Variants in AVEN observed in about 807,000 individuals in gnomAD.
The protein encoded by AVEN is apoptosis and caspase activation inhibitor.
Under a neutral mutation model 38.1 loss-of-function variants are expected in AVEN, and 41 were observed. That is an observed-to-expected ratio of 1.08 (90% CI 0.84 to 1.40). The LOEUF (loss-of-function observed/expected upper bound fraction) is 1.40. AVEN is among the 40% of genes most tolerant of loss of function. The probability of loss-of-function intolerance (pLI) is 0.00; values close to 1 mark genes in which losing one functional copy is unlikely to be tolerated. For missense variants in AVEN, 605 were observed against 438.8 expected, an observed-to-expected ratio of 1.38 and a Z score of -3.38; for synonymous variants, 206 against 171.8, an observed-to-expected ratio of 1.20 and a Z score of -1.56.
At chr15:34,053,131 C>A (rs1272452986) in intron 5 of AVEN, among the ~76,000 whole-genome samples, 2 of 151,268 alleles carry the variant, frequency 1.3e-5, no homozygotes. Context: ...GAAACCCCAT[C>A]TCTACTAAAA....
intron 2 of AVEN, among the ~76,000 whole-genome samples, chr15:33,908,263 C>T (rs1168334532): frequency 1.9e-5 from 2 of 103,700 alleles, no homozygotes; most frequent in African/African-American, 5.5e-5. Context: ...TCTTTTACTT[C>T]GAAAGCTGAA....
At chr15:33,873,439 T>C (rs1891083467) in intron 3 of AVEN, among the ~76,000 whole-genome samples, 1 of 149,226 alleles carries the variant, frequency 6.7e-6, no homozygotes, top group Admixed American at 6.7e-5. Flanking sequence ...ACTGAGGACA[T>C]GGGATGGTAT....
intron 2 of AVEN, among the ~76,000 whole-genome samples, chr15:33,979,319 T>C (rs1896032067): frequency 6.6e-6 from 1 of 152,076 alleles, no homozygotes; most frequent in Non-Finnish European, 1.5e-5. Flanking sequence ...CCCAAGAGTT[T>C]GAGATCAGCC....
chr15:33,902,473 ACAT>A (rs1398401444), intron 2 of AVEN, among the ~76,000 whole-genome samples: 8 of 152,252 alleles, frequency 5.3e-5, no homozygotes, highest in Non-Finnish European at 1.0e-4. Flanking sequence ...CATACAACTA[ACAT>A]CATAATCAAC....
intron 5 of AVEN, 40 bp downstream of exon 5, chr15:33,867,455 C>G: frequency 6.5e-7 from 1 of 1,535,496 alleles, no homozygotes; most frequent in Non-Finnish European, 8.7e-7. Flanking sequence ...TGAAAAAACA[C>G]CAGAATCAAG....
intron 2 of AVEN, among the ~76,000 whole-genome samples, chr15:33,909,123 C>T (rs1892823769): frequency 6.6e-6 from 1 of 152,142 alleles, no homozygotes; most frequent in Non-Finnish European, 1.5e-5. Context: ...GCTTGAGTTT[C>T]TTAGTGTTCT....
intron 4 of AVEN, 132 bp from the exon 5 acceptor site, chr15:33,867,987 T>G: frequency 7.8e-7 from 1 of 1,288,986 alleles, no homozygotes; most frequent in Non-Finnish European, 1.0e-6. Context: ...GTTCACAAAG[T>G]GGCTCCTTTC....
intron 1 of AVEN, among the ~76,000 whole-genome samples, chr15:34,030,240 T>G (rs1443248299): frequency 2.0e-5 from 3 of 151,980 alleles, no homozygotes; most frequent in Non-Finnish European, 4.4e-5. Context: ...GGTGACAGAG[T>G]GAGTGAGACT....
chr15:34,006,826 T>G (rs1897371520), intron 1 of AVEN, among the ~76,000 whole-genome samples: 3 of 152,198 alleles, frequency 2.0e-5, no homozygotes, highest in Non-Finnish European at 2.9e-5. Context: ...ACATTTGATG[T>G]AACTGAAAGA....
At chr15:33,900,400 C>T (rs1163405459) in intron 2 of AVEN, among the ~76,000 whole-genome samples, 1 of 151,862 alleles carries the variant, frequency 6.6e-6, no homozygotes, top group Non-Finnish European at 1.5e-5. Flanking sequence ...CTCAACCTCC[C>T]AGGCTCAAGC....
At chr15:33,869,396 C>T (rs539370656) in intron 4 of AVEN, among the ~76,000 whole-genome samples, 1 of 152,288 alleles carries the variant, frequency 6.6e-6, no homozygotes, top group East Asian at 1.9e-4. Flanking sequence ...CAAACACTCA[C>T]AACCACTTCC....
exon 1 of AVEN, among the ~76,000 whole-genome samples, chr15:34,074,443 T>C (rs1174093379): frequency 1.3e-5 from 2 of 152,222 alleles, no homozygotes; most frequent in Non-Finnish European, 2.9e-5. Flanking sequence ...TACCATTTCA[T>C]AGTTCTGGAG....
At chr15:33,868,320 G>C (rs12902832) in intron 4 of AVEN, among the ~76,000 whole-genome samples, 108,467 of 151,818 alleles carry the variant, frequency 0.71, 43,428 homozygotes, top group Non-Finnish European at 0.91. Context: ...TCAGGAGATT[G>C]AGACCATCCT....
chr15:33,859,557 C>G, intron 11 of AVEN: 1 of 1,613,400 alleles, frequency 6.2e-7, no homozygotes, highest in South Asian at 1.1e-5. Flanking sequence ...CTAAATCCCC[C>G]TTATTTTTCT....
downstream of AVEN, among the ~76,000 whole-genome samples, chr15:33,853,867 C>T (rs954624813): frequency 1.3e-5 from 2 of 151,992 alleles, no homozygotes; most frequent in Non-Finnish European, 2.9e-5. Flanking sequence ...CATTTTTATG[C>T]CCTATAGAGC....
intron 1 of AVEN, among the ~76,000 whole-genome samples, chr15:34,005,487 A>G (rs1897303987): frequency 6.6e-6 from 1 of 152,212 alleles, no homozygotes; most frequent in Non-Finnish European, 1.5e-5. Context: ...TAAGTGCTCA[A>G]TGGAGTCAAG....
At chr15:34,020,499 C>G (rs1898157941) in intron 1 of AVEN, among the ~76,000 whole-genome samples, 1 of 152,086 alleles carries the variant, frequency 6.6e-6, no homozygotes, top group South Asian at 2.1e-4. Flanking sequence ...CTCTAAGCAC[C>G]TATCCTTGTT....
chr15:33,918,377 G>C (rs1363490982), intron 2 of AVEN, among the ~76,000 whole-genome samples: 4 of 144,982 alleles, frequency 2.8e-5, no homozygotes, highest in Non-Finnish European at 4.5e-5. Flanking sequence ...TGCTTATTTA[G>C]TTGAACATCG....
At chr15:33,873,298 C>T (rs941470922) in intron 3 of AVEN, among the ~76,000 whole-genome samples, 1 of 150,292 alleles carries the variant, frequency 6.7e-6, no homozygotes, top group Non-Finnish European at 1.5e-5. Flanking sequence ...CAGGGTTTCA[C>T]CATGTTGGCC....
Sources: gnomAD v4.1 joint callset for allele counts (sites outside exome capture counted in the v4.1 genomes callset) on GRCh38, gnomAD v4.1.1 for gene constraint, MANE v1.5 for transcripts, NCBI Gene and HGNC (gene_info 2026-07-23, HGNC 2026-07-21) for gene names.